Variants in EBF1 observed in about 807,000 individuals in gnomAD.
EBF1 encodes transcription factor COE1.
EBF1 carries 10 observed loss-of-function variants against 68.4 expected under a neutral mutation model. That is an observed-to-expected ratio of 0.15 (90% CI 0.09 to 0.25). The LOEUF is 0.25. Among genes scored for constraint, EBF1 ranks in the 10% least tolerant of loss-of-function variants. EBF1 has a pLI of 1.00. For missense variants in EBF1, 509 were observed against 794.4 expected (o/e 0.64, Z 4.32); for synonymous variants, 298 against 299.8 (o/e 0.99, Z 0.06).
At chr5:158,954,709 C>T (rs1290141057) in intron 6 of EBF1, among the ~76,000 whole-genome samples, 1 of 152,200 alleles carries the variant, frequency 6.6e-6, no homozygotes, top group African/African-American at 2.4e-5. Context: ...CAGATGCCAG[C>T]CTCACTCTGC....
intron 6 of EBF1, among the ~76,000 whole-genome samples, chr5:159,010,354 C>T (rs1764397452): frequency 6.6e-6 from 1 of 152,166 alleles, no homozygotes; most frequent in South Asian, 2.1e-4. Context: ...GCTCTTGCAA[C>T]ACCTTCAGTA....
chr5:158,988,460 C>A (rs1759589162), intron 6 of EBF1, among the ~76,000 whole-genome samples: 2 of 152,206 alleles, frequency 1.3e-5, no homozygotes, highest in African/African-American at 2.4e-5. Context: ...ACATCCTCAT[C>A]TTCCCAACAC....
chr5:158,956,640 G>T (rs1373909501), intron 6 of EBF1, among the ~76,000 whole-genome samples: 5 of 151,076 alleles, frequency 3.3e-5, no homozygotes, highest in Admixed American at 3.3e-4. Flanking sequence ...AAAGAAAAAA[G>T]AAGTTGAAAA....
Position 158,697,509 on chromosome 5 carries a change from G to A in EBF1, c.*1602C>T, listed in dbSNP as rs1421441803. On this transcript the variant is annotated 3_prime_UTR_variant, in exon 16 of 16. Coordinates refer to ENST00000313708, the MANE Select transcript of EBF1 (RefSeq NM_024007.5). ...ATACACAATAAAATAAATTGGGGGTGGAAGGAAGAGGAAGAAGGGAAAAGC... is the reference window on the plus strand; with the variant it reads ...ATACACAATAAAATAAATTGGGGGTAGAAGGAAGAGGAAGAAGGGAAAAGC... The A allele has an allele frequency of 1.4e-5, 3 of 209,142 alleles. No individual in the cohort carries two copies. The highest frequency in any genetic ancestry group is 6.8e-5 in the African/African-American group (3 of 43,918). The allele number at this position is 209,142 out of a possible 1,614,324, so 13.0% of individuals were successfully genotyped here.
rs553032550 is a variant in EBF1 at position 158,914,127 on chromosome 5, G to A, written c.555-74017C>T. On this transcript the variant is annotated intron_variant, in intron 6 of 15. Coordinates refer to ENST00000313708, the MANE Select transcript of EBF1 (RefSeq NM_024007.5). ...ACACACCAGCTGTTTAAAAAGCCAAGTGGCTCCTACCACACCAGCTTGTTA... is the reference window on the plus strand; with the variant it reads ...ACACACCAGCTGTTTAAAAAGCCAAATGGCTCCTACCACACCAGCTTGTTA... Among the ~76,000 whole-genome samples the A allele has an allele frequency of 3.9e-5, 6 of 152,276 alleles. No homozygotes were observed. The South Asian group carries it at 6.2e-4, about 16-fold the overall frequency.
rs995245263 is a variant in EBF1, at chr5:158,840,659, T to G, written c.555-549A>C. On this transcript the variant is annotated intron_variant, in intron 6 of 15. Transcript: ENST00000313708. ...AAATACCTCCTGTTTTTTTTTTTTT[T>G]TTTTTTTTTTTTTGTTTTTTTTTTT... Among the ~76,000 whole-genome samples, 915 of 104,862 alleles carry G rather than the reference T, an allele frequency of 8.7e-3. 2 individuals are homozygous for G. The highest frequency in any genetic ancestry group is 0.011 in the Non-Finnish European group (591 of 52,226). The allele number at this position is 104,862 out of a possible 152,430, so 68.8% of individuals were successfully genotyped here.
chr5:158,728,322 T>C (rs974779580), intron 11 of EBF1, among the ~76,000 whole-genome samples: 4 of 152,178 alleles, frequency 2.6e-5, no homozygotes, highest in Non-Finnish European at 5.9e-5. Flanking sequence ...CACAAATCCA[T>C]TGTGTCCTTG....
chr5:158,956,644 T>C (rs1454860112), intron 6 of EBF1, among the ~76,000 whole-genome samples: 1 of 152,016 alleles, frequency 6.6e-6, no homozygotes, highest in Non-Finnish European at 1.5e-5. Context: ...AAAAAAGAAG[T>C]TGAAAATATT....
At chr5:158,902,348 C>G (rs1803581823) in intron 6 of EBF1, among the ~76,000 whole-genome samples, 2 of 151,956 alleles carry the variant, frequency 1.3e-5, no homozygotes, top group Non-Finnish European at 2.9e-5. Context: ...AAACTCCATG[C>G]CCAAGTCACA....
At chr5:158,772,623 C>G (rs1487102286) in intron 10 of EBF1, among the ~76,000 whole-genome samples, 1 of 152,094 alleles carries the variant, frequency 6.6e-6, no homozygotes, top group African/African-American at 2.4e-5. Flanking sequence ...ACACTTTGCT[C>G]CTTTTATTTG....
At chr5:158,791,974 A>T (rs1192148072) in intron 9 of EBF1, among the ~76,000 whole-genome samples, 1 of 152,110 alleles carries the variant, frequency 6.6e-6, no homozygotes, top group Non-Finnish European at 1.5e-5. Flanking sequence ...TTCAGAGGAG[A>T]TATTAAACTA....
At chr5:158,871,792 A>G (rs1163273259) in intron 6 of EBF1, among the ~76,000 whole-genome samples, 3 of 152,176 alleles carry the variant, frequency 2.0e-5, no homozygotes, top group Non-Finnish European at 4.4e-5. Flanking sequence ...TGGGGCCACA[A>G]CCTTCCTCAG....
At chr5:159,034,685 T>C (rs994639043) in intron 6 of EBF1, among the ~76,000 whole-genome samples, 7 of 152,226 alleles carry the variant, frequency 4.6e-5, no homozygotes, top group Non-Finnish European at 1.0e-4. Flanking sequence ...AGCTACTTCA[T>C]TGTCGTTGTT....
At chr5:159,067,530 A>G (rs561131750) in intron 6 of EBF1, among the ~76,000 whole-genome samples, 2 of 152,338 alleles carry the variant, frequency 1.3e-5, no homozygotes, top group East Asian at 3.8e-4. Flanking sequence ...TTGTCAGCGT[A>G]TTCGAAATGC....
intron 6 of EBF1, among the ~76,000 whole-genome samples, chr5:158,979,493 A>G (rs571977238): frequency 5.3e-5 from 8 of 152,244 alleles, no homozygotes; most frequent in African/African-American, 1.7e-4. Flanking sequence ...GGTTTTTGCG[A>G]TGGTAAATTA....
At chr5:158,984,691 T>G (rs1414209305) in intron 6 of EBF1, 2 of 145,216 alleles carry the variant, frequency 1.4e-5, no homozygotes, top group Non-Finnish European at 3.0e-5. Flanking sequence ...CTTTTTTTTT[T>G]TTTTTTTTTT....
At chr5:158,991,779 T>G (rs1303673817) in intron 6 of EBF1, among the ~76,000 whole-genome samples, 1 of 152,234 alleles carries the variant, frequency 6.6e-6, no homozygotes, top group East Asian at 1.9e-4. Flanking sequence ...TTTATCCTTT[T>G]GCATATAAAA....
At chr5:158,822,365 G>T (rs1785059113) in intron 8 of EBF1, among the ~76,000 whole-genome samples, 1 of 152,014 alleles carries the variant, frequency 6.6e-6, no homozygotes, top group African/African-American at 2.4e-5. Flanking sequence ...TGAGTGGAGA[G>T]GAGGAAGAGT....
intron 9 of EBF1, among the ~76,000 whole-genome samples, chr5:158,789,971 G>T (rs778138986): frequency 6.6e-6 from 1 of 152,172 alleles, no homozygotes. Flanking sequence ...CCAATTTTTT[G>T]ATTTAAGTGG....
Sources: gnomAD v4.1 joint callset for allele counts (sites outside exome capture counted in the v4.1 genomes callset) on GRCh38, gnomAD v4.1.1 for gene constraint, MANE v1.5 for transcripts, NCBI Gene and HGNC (gene_info 2026-07-23, HGNC 2026-07-21) for gene names.